Variants in DCC observed in about 807,000 individuals in gnomAD.
DCC encodes the protein DCC netrin 1 receptor.
In DCC, 58 loss-of-function variants were observed where a neutral mutation model predicts 172.5. The observed-to-expected ratio is 0.34, with a 90% CI of 0.27 to 0.42. The LOEUF is 0.42. Among genes scored for constraint, DCC ranks in the 10% least tolerant of loss-of-function variants. The pLI is 1.00. For missense variants in DCC, 1,740 were observed against 1,791.0 expected (o/e 0.97, Z 0.51); for synonymous variants, 709 against 644.5 (o/e 1.10, Z -1.52).
chr18:53,451,631 A>G (rs1218053698), intron 23 of DCC, among the ~76,000 whole-genome samples: 1 of 152,130 alleles, frequency 6.6e-6, no homozygotes, highest in Non-Finnish European at 1.5e-5. Context: ...CTGGTTTGAC[A>G]ACTGTGTACT....
chr18:52,874,842 G>C (rs984994921), intron 2 of DCC, among the ~76,000 whole-genome samples: 10 of 152,276 alleles, frequency 6.6e-5, no homozygotes, highest in African/African-American at 1.4e-4. Flanking sequence ...GGTTAGGAAA[G>C]AGAAGACAGG....
intron 12 of DCC, among the ~76,000 whole-genome samples, chr18:53,259,596 G>A (rs1260811582): frequency 6.6e-6 from 1 of 152,140 alleles, no homozygotes; most frequent in Non-Finnish European, 1.5e-5. Context: ...AGTCTAATGG[G>A]CTTCCCTTTG....
intron 1 of DCC, among the ~76,000 whole-genome samples, chr18:52,612,312 G>A (rs2034291332): frequency 6.6e-6 from 1 of 151,866 alleles, no homozygotes; most frequent in South Asian, 2.1e-4. Context: ...CCCATCCCCT[G>A]CCAACATGCC....
At chr18:53,149,280 C>A (rs991448355) in intron 7 of DCC, among the ~76,000 whole-genome samples, 1 of 152,192 alleles carries the variant, frequency 6.6e-6, no homozygotes, top group Non-Finnish European at 1.5e-5. Flanking sequence ...TAATAACAGC[C>A]GTTTATTGAA....
intron 27 of DCC, among the ~76,000 whole-genome samples, chr18:53,521,265 T>TG (rs765347645): frequency 1.2e-4 from 19 of 152,158 alleles, no homozygotes; most frequent in Non-Finnish European, 2.4e-4. Context: ...AACTGTTGCC[T>TG]GGGCACTAGA....
intron 2 of DCC, among the ~76,000 whole-genome samples, chr18:52,756,769 A>G (rs1022656041): frequency 1.3e-5 from 2 of 152,176 alleles, no homozygotes; most frequent in Non-Finnish European, 2.9e-5. Flanking sequence ...ACATAATAAT[A>G]ACCTACCTCC....
At chr18:53,302,659 C>T (rs1437538375) in intron 12 of DCC, among the ~76,000 whole-genome samples, 1 of 152,068 alleles carries the variant, frequency 6.6e-6, no homozygotes, top group Non-Finnish European at 1.5e-5. Flanking sequence ...TCTGAAATAT[C>T]CCTATACTGT....
At chr18:52,918,805 A>G (rs2040077339) in intron 3 of DCC, among the ~76,000 whole-genome samples, 1 of 152,200 alleles carries the variant, frequency 6.6e-6, no homozygotes, top group Admixed American at 6.5e-5. Context: ...CAGCAGTGCA[A>G]AAACAAACTA....
intron 1 of DCC, among the ~76,000 whole-genome samples, chr18:52,451,528 C>T (rs745873526): frequency 5.3e-5 from 8 of 152,054 alleles, no homozygotes; most frequent in Non-Finnish European, 8.8e-5. Context: ...CTCAGGCAAT[C>T]GGAAAAGGTT....
Position 52,610,178 on chromosome 18 carries a change from AATATATATATATATATATATAT to A in DCC, c.92-141848_92-141827del, listed in dbSNP as rs1158849717. 2.8e-3 allele frequency among the ~76,000 whole-genome samples: 39 copies of A among 14,088 alleles called. 6 individuals are homozygous for A. The highest frequency in any genetic ancestry group is 9.4e-3 in the African/African-American group (24 of 2,550). 9.2% of individuals were successfully genotyped at this position (14,088 alleles called of 152,430 possible). A position where few individuals can be genotyped will look rare whatever the true frequency, so the allele number is the denominator to read the frequency against. ...AAAAAAAAAAAAAAAAAAAAAAAAA[AATATATATATATATATATATAT>A]ATATATATATATATATATATATATA... is the stretch of plus-strand genomic sequence containing the variant. On this transcript the variant is annotated intron_variant, in intron 1 of 28. Coordinates refer to ENST00000442544, the MANE Select transcript of DCC (RefSeq NM_005215.4).
chr18:53,164,991 ATCTCT>A (rs2054894632), intron 8 of DCC, among the ~76,000 whole-genome samples: 1 of 152,190 alleles, frequency 6.6e-6, no homozygotes, highest in South Asian at 2.1e-4. Flanking sequence ...TAGTCCAGTG[ATCTCT>A]TCACTGTGCC....
intron 2 of DCC, among the ~76,000 whole-genome samples, chr18:52,869,687 C>T (rs1438838303): frequency 1.3e-5 from 2 of 152,234 alleles, no homozygotes; most frequent in African/African-American, 2.4e-5. Context: ...GGCTTCCTCC[C>T]ATGCTCGTCA....
At chr18:52,594,767 G>A (rs79861491) in intron 1 of DCC, among the ~76,000 whole-genome samples, 3,234 of 152,162 alleles carry the variant, frequency 0.021, 100 homozygotes, top group African/African-American at 0.072. Flanking sequence ...GCAAGAGAGC[G>A]TAGCAAGGGA....
chr18:52,541,860 A>G (rs1344788046), intron 1 of DCC, among the ~76,000 whole-genome samples: 1 of 80,498 alleles, frequency 1.2e-5, no homozygotes, highest in African/African-American at 4.6e-5. Flanking sequence ...TTAAAAGTAT[A>G]TGATGTGTGT....
intron 1 of DCC, among the ~76,000 whole-genome samples, chr18:52,610,443 C>T (rs1598955198): frequency 8.3e-6 from 1 of 120,822 alleles, no homozygotes; most frequent in African/African-American, 3.2e-5. Flanking sequence ...ACCTAAAATA[C>T]CTTTGGAAAT....
intron 12 of DCC, among the ~76,000 whole-genome samples, chr18:53,239,491 A>T (rs977673884): frequency 2.0e-5 from 3 of 152,106 alleles, no homozygotes; most frequent in Non-Finnish European, 4.4e-5. Context: ...ATGAGAGATG[A>T]TGGTTGTGCT....
At chr18:52,927,362 C>G (rs1238022545) in intron 5 of DCC, among the ~76,000 whole-genome samples, 3 of 151,298 alleles carry the variant, frequency 2.0e-5, no homozygotes, top group Non-Finnish European at 3.0e-5. Flanking sequence ...CTGTTTGATA[C>G]ATATAAAACT....
chr18:53,348,208 A>T (rs955355677), intron 15 of DCC, among the ~76,000 whole-genome samples: 1 of 152,208 alleles, frequency 6.6e-6, no homozygotes, highest in Non-Finnish European at 1.5e-5. Context: ...AGGGACAGAC[A>T]TCGGGTAAAT....
At chr18:52,760,489 C>G (rs538998823) in intron 2 of DCC, among the ~76,000 whole-genome samples, 2 of 152,274 alleles carry the variant, frequency 1.3e-5, no homozygotes, top group South Asian at 2.1e-4. Flanking sequence ...ATGGACAGCT[C>G]TCACATAGAA....
Sources: gnomAD v4.1 joint callset for allele counts (sites outside exome capture counted in the v4.1 genomes callset) on GRCh38, gnomAD v4.1.1 for gene constraint, MANE v1.5 for transcripts, NCBI Gene and HGNC (gene_info 2026-07-23, HGNC 2026-07-21) for gene names.